The following KLHL29 variants were observed in gnomAD, a reference collection of about 807,000 sequenced individuals.
KLHL29 encodes the protein kelch like family member 29, also known as kelch-like protein 29.
Under a neutral mutation model 80.4 loss-of-function variants are expected in KLHL29, and 21 were observed. The ratio of observed to expected loss-of-function variants is 0.26; its 90% CI spans 0.19 to 0.38. The LOEUF (loss-of-function observed/expected upper bound fraction) is 0.38. Among genes scored for constraint, KLHL29 ranks in the 10% least tolerant of loss-of-function variants. The pLI, the probability that KLHL29 is intolerant of heterozygous loss-of-function variation, is 1.00. For synonymous variants in KLHL29, 511 were observed against 526.8 expected (o/e 0.97, Z 0.41); for missense variants, 867 against 1,223.9 (o/e 0.71, Z 4.35).
chr2:23,647,802 C>T lies in KLHL29; in HGVS notation c.940+4952C>T, dbSNP rs1388579555. ...CCCGTAACCACCCCAGGCCTTGGCT[C>T]TCCAGTCTAGCCGTGCACTGTGCCT... is the stretch of plus-strand genomic sequence containing the variant. On this transcript the variant is annotated intron_variant, in intron 5 of 13. Transcript: ENST00000486442. The surrounding 1 kb of genome is among the most constrained non-coding windows in gnomAD (Gnocchi z 4.9). Among the ~76,000 whole-genome samples, 1 of 152,266 alleles carries T rather than the reference C, an allele frequency of 6.6e-6. No individual in the cohort carries two copies. The highest frequency in any genetic ancestry group is 1.9e-4 in the East Asian group (1 of 5,170).
chr2:23,448,026 T>C (rs985028272), intron 1 of KLHL29, among the ~76,000 whole-genome samples: 2 of 152,094 alleles, frequency 1.3e-5, no homozygotes, highest in East Asian at 3.9e-4. Flanking sequence ...AGCTCGTGCA[T>C]AGAAATGACC....
intron 2 of KLHL29, among the ~76,000 whole-genome samples, chr2:23,519,078 T>A (rs1238516414): frequency 1.3e-5 from 2 of 152,204 alleles, no homozygotes; most frequent in Admixed American, 6.5e-5. Context: ...GCACAGACCA[T>A]GCCCTGGAAT....
chr2:23,670,962 CT>C (rs1558432895), intron 5 of KLHL29, among the ~76,000 whole-genome samples: 14 of 23,532 alleles, frequency 5.9e-4, no homozygotes, highest in East Asian at 0.012. Context: ...CTCTCTCTCT[CT>C]CTCTCTCTCT....
chr2:23,586,873 G>A (rs190773074), intron 3 of KLHL29, among the ~76,000 whole-genome samples: 2 of 152,184 alleles, frequency 1.3e-5, no homozygotes, highest in Admixed American at 6.5e-5. Flanking sequence ...GCCAGTGTCT[G>A]ATTCCTCTCT....
chr2:23,665,811 G>A (rs1457813950), intron 5 of KLHL29, among the ~76,000 whole-genome samples: 3 of 152,154 alleles, frequency 2.0e-5, no homozygotes, highest in African/African-American at 4.8e-5. Flanking sequence ...CGTGAGAGCT[G>A]CACCAAGCTA....
chr2:23,410,335 G>C lies in KLHL29; in HGVS notation c.-154+24555G>C, dbSNP rs75202540. On this transcript the variant is annotated intron_variant, in intron 1 of 13. Coordinates refer to ENST00000486442, the MANE Select transcript of KLHL29 (RefSeq NM_052920.2). ...GACAGGTAAATGGGCAGGCTGGGGTGGGGGGTTCGAGGGTGGGAAGTAAAG... is the reference window on the plus strand; with the variant it reads ...GACAGGTAAATGGGCAGGCTGGGGTCGGGGGTTCGAGGGTGGGAAGTAAAG... Among the ~76,000 whole-genome samples, 30 of 152,202 alleles carry C rather than the reference G, an allele frequency of 2.0e-4. No homozygotes were observed. In the East Asian group the frequency reaches 5.0e-3, roughly 26 times the overall value.
At position 23,503,181 on chromosome 2, in the gene KLHL29, C is replaced by T. The variant is rs750502246; in HGVS notation, c.-46+27514C>T. Among the ~76,000 whole-genome samples the T allele has an allele frequency of 1.3e-5, 2 of 152,222 alleles. No individual in the cohort carries two copies. Among genetic ancestry groups the T allele is most frequent in the Non-Finnish European group, 2.9e-5 (2 of 68,044 alleles). On this transcript the variant is annotated intron_variant, in intron 2 of 13. Coordinates refer to ENST00000486442, the MANE Select transcript of KLHL29 (RefSeq NM_052920.2). The surrounding 1 kb of genome is among the most constrained non-coding windows in gnomAD (Gnocchi z 4.0). ...AGGGCTACGGCAAGGGCAGGCAGAT[C>T]TGAGTGGAGGCTGCTGTCCTGTGAA...
intron 3 of KLHL29, among the ~76,000 whole-genome samples, chr2:23,633,792 T>TGTGTGTGTG (rs1190935622): frequency 5.9e-5 from 9 of 151,794 alleles, no homozygotes; most frequent in South Asian, 4.2e-4. Context: ...TGTGTGTGTG[T>TGTGTGTGTG]TTAATTTGAC....
At position 23,670,782 on chromosome 2, in the gene KLHL29, C is replaced by G. The variant is rs370868298; in HGVS notation, c.941-13617C>G. On this transcript the variant is annotated intron_variant, in intron 5 of 13. Coordinates refer to ENST00000486442, the MANE Select transcript of KLHL29 (RefSeq NM_052920.2). ...GGCAGACATGTTGCCCTAAACTGAC[C>G]CGGGCCAGGTTGGGCAGGAGGGGTG... Among the ~76,000 whole-genome samples the G allele has an allele frequency of 5.8e-4, 88 of 151,956 alleles. No individual in the cohort carries two copies. In the East Asian group the frequency reaches 0.013, roughly 23 times the overall value.
intron 1 of KLHL29, among the ~76,000 whole-genome samples, chr2:23,400,223 G>C (rs1666565523): frequency 6.6e-6 from 1 of 152,198 alleles, no homozygotes; most frequent in Admixed American, 6.5e-5. Flanking sequence ...GATACCCAAG[G>C]GGGCTAGGGT....
At chr2:23,442,265 A>T (rs1289144653) in intron 1 of KLHL29, among the ~76,000 whole-genome samples, 1 of 151,940 alleles carries the variant, frequency 6.6e-6, no homozygotes, top group Non-Finnish European at 1.5e-5. Flanking sequence ...TAATTTTTTT[A>T]AATTTTTTGT....
At chr2:23,671,722 C>T (rs1181327602) in intron 5 of KLHL29, among the ~76,000 whole-genome samples, 1 of 152,174 alleles carries the variant, frequency 6.6e-6, no homozygotes, top group Non-Finnish European at 1.5e-5. Context: ...GCCAGCCAGC[C>T]GGGGCCTCCG....
At chr2:23,542,757 A>G (rs113520729) in intron 2 of KLHL29, among the ~76,000 whole-genome samples, 11 of 152,288 alleles carry the variant, frequency 7.2e-5, no homozygotes, top group African/African-American at 2.6e-4. Context: ...CAAGTTGCTC[A>G]GCCCCGGGGA....
intron 11 of KLHL29, among the ~76,000 whole-genome samples, chr2:23,702,719 T>G (rs547983132): frequency 6.6e-6 from 1 of 152,276 alleles, no homozygotes; most frequent in East Asian, 1.9e-4. Context: ...CTGCATGTAA[T>G]TATTCTTTGT....
At position 23,682,876 on chromosome 2, in the gene KLHL29, G is replaced by A. The variant is rs954274223; in HGVS notation, c.941-1523G>A. ...AGACTCAGTGTGACTTGGGGTTGGC[G>A]GGGTCAGTGATTCGGCCTTGCCATG... On this transcript the variant is annotated intron_variant, in intron 5 of 13. Coordinates refer to ENST00000486442, the MANE Select transcript of KLHL29 (RefSeq NM_052920.2). The surrounding 1 kb of genome is among the most constrained non-coding windows in gnomAD (Gnocchi z 4.1). 3.9e-5 allele frequency among the ~76,000 whole-genome samples: 4 copies of A among 102,480 alleles called. No homozygotes were observed. Among genetic ancestry groups the A allele is most frequent in the East Asian group, 5.8e-4 (2 of 3,466 alleles). The allele number at this position is 102,480 out of a possible 152,430, so 67.2% of individuals were successfully genotyped here.
chr2:23,453,279 G>A (rs919038653), intron 1 of KLHL29, among the ~76,000 whole-genome samples: 14 of 152,174 alleles, frequency 9.2e-5, no homozygotes, highest in African/African-American at 3.1e-4. Flanking sequence ...CAGTCACCAC[G>A]TCACAGGAGC....
intron 1 of KLHL29, among the ~76,000 whole-genome samples, chr2:23,402,016 G>T (rs2103389196): frequency 6.6e-6 from 1 of 152,330 alleles, no homozygotes; most frequent in South Asian, 2.1e-4. Flanking sequence ...ATCTAGGCCA[G>T]TGCTGGGCAC....
intron 2 of KLHL29, among the ~76,000 whole-genome samples, chr2:23,492,243 C>T (rs1039062935): frequency 2.0e-5 from 3 of 152,248 alleles, no homozygotes; most frequent in African/African-American, 7.2e-5. Flanking sequence ...TTCCCATGGG[C>T]CTCTCTGGAC....
chr2:23,654,702 G>GT (rs371819926), intron 5 of KLHL29, among the ~76,000 whole-genome samples: 7 of 114,814 alleles, frequency 6.1e-5, no homozygotes, highest in South Asian at 4.3e-4. Flanking sequence ...AGGTTGGGGG[G>GT]GGGGGGTGGA....
Sources: gnomAD v4.1 joint callset for allele counts (sites outside exome capture counted in the v4.1 genomes callset) on GRCh38, gnomAD v4.1.1 for gene constraint, Gnocchi (gnomAD v3.1) non-coding constraint, MANE v1.5 for transcripts, NCBI Gene and HGNC (gene_info 2026-07-23, HGNC 2026-07-21) for gene names.